Variants in SLC44A5 observed in about 807,000 individuals in gnomAD.
SLC44A5 encodes solute carrier family 44 member 5, also known as choline transporter-like protein 5.
SLC44A5 carries 57 observed loss-of-function variants against 101.8 expected under a neutral mutation model. That is an observed-to-expected ratio of 0.56 (90% CI 0.45 to 0.70). The LOEUF (loss-of-function observed/expected upper bound fraction) is 0.70, where lower values mean the gene tolerates loss of function less well. SLC44A5 is among the 30% of genes least tolerant of loss of function. SLC44A5 has a pLI of 0.00. For synonymous variants in SLC44A5, 281 were observed against 290.9 expected (o/e 0.97, Z 0.35); for missense variants, 737 against 853.1 (o/e 0.86, Z 1.70).
intron 1 of SLC44A5, among the ~76,000 whole-genome samples, chr1:75,543,705 A>ATG (rs1671491617): frequency 6.7e-6 from 1 of 148,554 alleles, no homozygotes; most frequent in Non-Finnish European, 1.5e-5. Context: ...ATACATATAT[A>ATG]TATATAATTG....
chr1:75,432,349 AG>A (rs1664662210), intron 2 of SLC44A5, among the ~76,000 whole-genome samples: 1 of 152,152 alleles, frequency 6.6e-6, no homozygotes, highest in Non-Finnish European at 1.5e-5. Flanking sequence ...CAACTCACAC[AG>A]GGGGAAACAG....
rs117978236 is a variant in SLC44A5, at chr1:75,485,925, T to C, written c.13+55510A>G. Among the ~76,000 whole-genome samples the C allele has an allele frequency of 2.7e-4, 41 of 152,182 alleles. 1 individual carries two copies. The East Asian group carries it at 8.0e-3, about 30-fold the overall frequency. On this transcript the variant is annotated intron_variant, in intron 2 of 23. Coordinates refer to ENST00000370859, the MANE Select transcript of SLC44A5 (RefSeq NM_001130058.2). ...TCAGTTCTCATGAGAACTCACTTAC[T>C]ATCGTAAGAACAGCAAGGGAGAAAT...
At chr1:75,696,179 T>C in the SLC44A5 span, among the ~76,000 whole-genome samples, 1 of 152,202 alleles carries the variant, frequency 6.6e-6, no homozygotes, top group African/African-American at 2.4e-5. Flanking sequence ...CTTAGGCTAA[T>C]AGCCACAAGG....
At chr1:75,496,823 A>G (rs1236388145) in intron 2 of SLC44A5, among the ~76,000 whole-genome samples, 2 of 152,126 alleles carry the variant, frequency 1.3e-5, no homozygotes, top group African/African-American at 4.8e-5. Context: ...TGGGCAAAGG[A>G]CTTAAATAAA....
At chr1:75,265,962 CT>C (rs1188472907) in intron 6 of SLC44A5, among the ~76,000 whole-genome samples, 2 of 152,176 alleles carry the variant, frequency 1.3e-5, no homozygotes, top group Non-Finnish European at 2.9e-5. Context: ...TCATGAGCAA[CT>C]TTCCCAGAGC....
At chr1:75,304,732 C>T (rs759663748) in intron 4 of SLC44A5, among the ~76,000 whole-genome samples, 1 of 152,178 alleles carries the variant, frequency 6.6e-6, no homozygotes, top group African/African-American at 2.4e-5. Context: ...ATTCTAGCTA[C>T]AGGCTTGTCA....
At chr1:75,292,651 T>TAATA (rs1320934861) in intron 5 of SLC44A5, among the ~76,000 whole-genome samples, 2 of 152,184 alleles carry the variant, frequency 1.3e-5, no homozygotes, top group African/African-American at 4.8e-5. Context: ...AGACTGAAGA[T>TAATA]AATAGATTGT....
At chr1:75,572,370 G>T (rs1359115267) in intron 1 of SLC44A5, among the ~76,000 whole-genome samples, 4 of 152,178 alleles carry the variant, frequency 2.6e-5, no homozygotes, top group African/African-American at 9.7e-5. Flanking sequence ...CTCTATTAGT[G>T]AAGTGTTCAA....
intron 4 of SLC44A5, among the ~76,000 whole-genome samples, chr1:75,338,614 T>C (rs757847356): frequency 2.0e-5 from 3 of 152,170 alleles, no homozygotes; most frequent in Non-Finnish European, 2.9e-5. Context: ...GGTGTTACCA[T>C]GGAGAGAATG....
chr1:75,684,114 C>T, the SLC44A5 span, among the ~76,000 whole-genome samples: 137,928 of 152,156 alleles, frequency 0.91, 62,722 homozygotes, highest in Middle Eastern at 0.94. Flanking sequence ...AAGAGAGAAG[C>T]GTAGGGGAAC....
the SLC44A5 span, among the ~76,000 whole-genome samples, chr1:75,616,526 CCAGAACTCTGGCCACCTGCG>C: frequency 6.6e-6 from 1 of 152,234 alleles, no homozygotes. Flanking sequence ...CACAGGCCAA[CCAGAACTCTGGCCACCTGCG>C]GGAGGACGGC....
intron 2 of SLC44A5, among the ~76,000 whole-genome samples, chr1:75,486,410 A>G (rs1054331667): frequency 6.6e-6 from 1 of 152,242 alleles, no homozygotes; most frequent in Non-Finnish European, 1.5e-5. Context: ...AAATAAATAG[A>G]TCTTAAGCTG....
At chr1:75,437,123 CTA>C (rs1664936616) in intron 2 of SLC44A5, among the ~76,000 whole-genome samples, 1 of 152,194 alleles carries the variant, frequency 6.6e-6, no homozygotes, top group African/African-American at 2.4e-5. Context: ...TAAGTACACT[CTA>C]AAATAATAAT....
At chr1:75,335,585 A>C (rs1557675587) in intron 4 of SLC44A5, among the ~76,000 whole-genome samples, 1 of 152,096 alleles carries the variant, frequency 6.6e-6, no homozygotes, top group Non-Finnish European at 1.5e-5. Context: ...TGGTGCCCTA[A>C]TCTGGAGAGT....
At chr1:75,590,677 T>C (rs1674297551) in intron 1 of SLC44A5, among the ~76,000 whole-genome samples, 1 of 152,144 alleles carries the variant, frequency 6.6e-6, no homozygotes, top group African/African-American at 2.4e-5. Flanking sequence ...GTAGTCCTCA[T>C]GGCCAGGGGT....
At chr1:75,308,747 A>G (rs967177610) in intron 4 of SLC44A5, among the ~76,000 whole-genome samples, 4 of 152,198 alleles carry the variant, frequency 2.6e-5, no homozygotes, top group African/African-American at 9.6e-5. Flanking sequence ...TCTTTTTGGA[A>G]TAAGTTAGAA....
At chr1:75,549,830 C>T (rs532697022) in intron 1 of SLC44A5, among the ~76,000 whole-genome samples, 4 of 151,968 alleles carry the variant, frequency 2.6e-5, no homozygotes, top group Non-Finnish European at 5.9e-5. Flanking sequence ...GTATTTCAGA[C>T]AAGGAACCAG....
At chr1:75,650,094 A>C in the SLC44A5 span, among the ~76,000 whole-genome samples, 1 of 152,012 alleles carries the variant, frequency 6.6e-6, no homozygotes, top group Admixed American at 6.6e-5. Flanking sequence ...AGGGAGTATG[A>C]GTACAGCTTT....
chr1:75,641,442 C>A, the SLC44A5 span: 1 of 1,298,460 alleles, frequency 7.7e-7, no homozygotes, highest in South Asian at 1.2e-5. Flanking sequence ...CTTCTACTGC[C>A]AATCTTTCTA....
Sources: gnomAD v4.1 joint callset for allele counts (sites outside exome capture counted in the v4.1 genomes callset) on GRCh38, gnomAD v4.1.1 for gene constraint, MANE v1.5 for transcripts, NCBI Gene and HGNC (gene_info 2026-07-23, HGNC 2026-07-21) for gene names.